The following ARID1A variants were observed in gnomAD, a reference collection of about 807,000 sequenced individuals.
ARID1A encodes AT-rich interaction domain 1A, also known as AT-rich interactive domain-containing protein 1A.
A neutral mutation model predicts 212.6 loss-of-function variants in ARID1A; 20 were observed. That is an observed-to-expected ratio of 0.09 (90% confidence interval 0.07 to 0.14). The LOEUF (loss-of-function observed/expected upper bound fraction) is 0.14, where lower values mean the gene tolerates loss of function less well. ARID1A is among the 10% of genes least tolerant of loss of function. The probability of loss-of-function intolerance (pLI) is 1.00; values close to 1 mark genes in which losing one functional copy is unlikely to be tolerated. For synonymous variants in ARID1A, 1,376 were observed against 1,222.1 expected, an observed-to-expected ratio of 1.13 and a Z score of -2.63; for missense variants, 2,587 against 3,059.0, an observed-to-expected ratio of 0.85 and a Z score of 3.64.
chr1:26,775,750 T>A (rs1390835689), intron 19 of ARID1A, 43 bp downstream of exon 19: 7 of 1,613,462 alleles, frequency 4.3e-6, no homozygotes, highest in African/African-American at 1.3e-5. Flanking sequence ...GTTTGGGATC[T>A]TCTTAGTGTA....
chr1:26,762,071 G>A (rs145072724), intron 6 of ARID1A, 81 bp from the exon 7 acceptor site: 1 of 1,425,366 alleles, frequency 7.0e-7, no homozygotes, highest in Non-Finnish European at 9.4e-7. Flanking sequence ...AATGTAGATG[G>A]TAAAGTCCCA....
Position 26,729,400 on chromosome 1 carries a change from A to G in ARID1A, c.1138-251A>G, listed in dbSNP as rs2080650923. On this transcript the variant is annotated intron_variant, in intron 1 of 19. Transcript: ENST00000324856. ...TCCCTTGGATCTCAAGCAGTACCACAGTTACAAAGTAGTTTTTAGCTTACA... is the reference window on the plus strand; with the variant it reads ...TCCCTTGGATCTCAAGCAGTACCACGGTTACAAAGTAGTTTTTAGCTTACA... The G allele has an allele frequency of 6.0e-6, 3 of 504,182 alleles. No homozygotes were observed. In the South Asian group the frequency reaches 6.4e-5, roughly 11 times the overall value. 31.2% of individuals were successfully genotyped at this position (504,182 alleles called of 1,614,324 possible). A position where few individuals can be genotyped will look rare whatever the true frequency, so the allele number is the denominator to read the frequency against.
In ARID1A at chr1:26,781,695, G is replaced by A. The variant is rs1022699450; in HGVS notation, c.*939G>A. On this transcript the variant is annotated 3_prime_UTR_variant, in exon 20 of 20. Transcript: ENST00000324856. ...CCCAGCTACCCCTTTATAGTATGAC[G>A]AGTTAACAAGTTGGTGACCTGCACA... 6 of 233,602 alleles carry A rather than the reference G, an allele frequency of 2.6e-5. No individual in the cohort carries two copies. In the Admixed American group the frequency reaches 2.8e-4, roughly 11 times the overall value. 14.5% of individuals were successfully genotyped at this position (233,602 alleles called of 1,614,324 possible).
In ARID1A at chr1:26,729,837, A is replaced by T. The variant is rs1350278856; in HGVS notation, c.1324A>T (p.Met442Leu). 2.5e-6 allele frequency: 4 copies of T among 1,614,074 alleles called. No homozygotes were observed. Among genetic ancestry groups the T allele is most frequent in the Non-Finnish European group, 3.4e-6 (4 of 1,180,048 alleles). The change falls in exon 2 of 20, where the codon ATG becomes TTG. Residue 442 changes from methionine to leucine, a missense_variant. Physicochemically the swap from Met to Leu is conservative, Grantham distance 15. Coordinates refer to ENST00000324856, the MANE Select transcript of ARID1A (RefSeq NM_006015.6). ...MTMQGRAQSA[M>L]GGLSYTQQIP... Reference sequence around the variant, plus strand: ...CATGCAGGGCCGGGCGCAGAGTGCCATGGGCGGCCTCTCTTATACACAGCA... The same window carrying T: ...CATGCAGGGCCGGGCGCAGAGTGCCTTGGGCGGCCTCTCTTATACACAGCA...
intron 19 of ARID1A, among the ~76,000 whole-genome samples, chr1:26,776,580 A>T (rs1271463805): frequency 6.6e-6 from 1 of 152,124 alleles, no homozygotes; most frequent in African/African-American, 2.4e-5. Flanking sequence ...GCCCTACAAT[A>T]TTCTTACAAA....
In ARID1A at chr1:26,779,719, T is replaced by G. The variant is rs2124143118; in HGVS notation, c.5821T>G (p.Phe1941Val). Residue 1941 changes from phenylalanine (F) to valine (V), a missense_variant, in exon 20 of 20, where the codon TTT (phenylalanine) becomes GTT (valine). By Grantham distance (50) the Phe-to-Val change is conservative (BLOSUM62 -1). Transcript: ENST00000324856. ...EAIKESSKFPFGISPAQSHRN... is the reference protein window; with the variant it reads ...EAIKESSKFPVGISPAQSHRN... ...CATCAAGGAGAGCAGCAAGTTTCCATTTGGCATTAGCCCAGCACAGAGCCA... is the reference window on the plus strand; with the variant it reads ...CATCAAGGAGAGCAGCAAGTTTCCAGTTGGCATTAGCCCAGCACAGAGCCA... 2 of 1,614,040 alleles carry G rather than the reference T, an allele frequency of 1.2e-6. No homozygotes were observed. Among genetic ancestry groups the G allele is most frequent in the Non-Finnish European group, 1.7e-6 (2 of 1,180,000 alleles).
In ARID1A at chr1:26,772,836, G is replaced by A. The variant is rs2081095925; in HGVS notation, c.3564G>A (p.Gln1188=). ...GMSRSNSVGI[Q]DAFNDGSDST... Reference sequence around the variant, plus strand: ...GCAGGAGCAATTCAGTTGGGATCCAGGATGCCTTTAATGATGGAAGTGACT... The same window carrying A: ...GCAGGAGCAATTCAGTTGGGATCCAAGATGCCTTTAATGATGGAAGTGACT... Residue 1188 remains glutamine (Q), a synonymous_variant, in exon 14 of 20, where the codon CAG becomes CAA. Transcript: ENST00000324856. The A allele has an allele frequency of 6.2e-7, 1 of 1,614,092 alleles. No homozygotes were observed. Among genetic ancestry groups the A allele is most frequent in the Middle Eastern group, 1.7e-4 (1 of 6,056 alleles).
intron 4 of ARID1A, among the ~76,000 whole-genome samples, chr1:26,750,828 C>T (rs1344211665): frequency 6.6e-6 from 1 of 151,834 alleles, no homozygotes; most frequent in Non-Finnish European, 1.5e-5. Flanking sequence ...CATTAAGTAC[C>T]CTACAGAAAA....
At position 26,774,905 on chromosome 1, in the gene ARID1A, C is replaced by T; in HGVS notation, c.4678C>T (p.Pro1560Ser). Residue 1560 changes from proline (P) to serine (S), a missense_variant, in exon 18 of 20, where the codon CCT (proline) becomes TCT (serine). This residue lies in a region of ARID1A where 890 missense variants were observed against 1,098.2 expected (regional missense o/e 0.81). Transcript: ENST00000324856. The surrounding 1 kb of genome is among the most constrained non-coding windows in gnomAD (Gnocchi z 5.6). ...TRQPPYGPSAPVPPMTRPPPS... is the reference protein window; with the variant it reads ...TRQPPYGPSASVPPMTRPPPS... Reference sequence around the variant, plus strand: ...CCAGCCCCCATATGGTCCCTCTGCCCCTGTGCCCCCCATGACAAGGCCCCC... The same window carrying T: ...CCAGCCCCCATATGGTCCCTCTGCCTCTGTGCCCCCCATGACAAGGCCCCC... 1.9e-6 allele frequency: 3 copies of T among 1,559,018 alleles called. No individual in the cohort carries two copies. Among genetic ancestry groups the T allele is most frequent in the Non-Finnish European group, 2.6e-6 (3 of 1,152,642 alleles).
chr1:26,729,636 C>G lies in ARID1A; in HGVS notation c.1138-15C>G, dbSNP rs2124784666. On this transcript the variant is annotated splice_polypyrimidine_tract_variant and intron_variant, in intron 1 of 19. Transcript: ENST00000324856. ...CATCAAAGCTCAGGTTAATGAAATG[C>G]TCTTTATTTTGTAGCCATCCAGTCC... The G allele has an allele frequency of 6.2e-7, 1 of 1,613,386 alleles. No homozygotes were observed. The highest frequency in any genetic ancestry group is 8.5e-7 in the Non-Finnish European group (1 of 1,179,362).
At position 26,779,656 on chromosome 1, in the gene ARID1A, A is replaced by C; in HGVS notation, c.5758A>C (p.Ser1920Arg). ...GGATGACATGTTGTCTACTCGGTCTAGCACCTTGACCGAGGATGGAGCTAA... is the reference window on the plus strand; with the variant it reads ...GGATGACATGTTGTCTACTCGGTCTCGCACCTTGACCGAGGATGGAGCTAA... Reference protein sequence around the residue: ...TMDDMLSTRSSTLTEDGAKSS... With the variant: ...TMDDMLSTRSRTLTEDGAKSS... Residue 1920 changes from serine to arginine, a missense_variant, in exon 20 of 20, where the codon AGC becomes CGC. Coordinates refer to ENST00000324856, the MANE Select transcript of ARID1A (RefSeq NM_006015.6). 1 of 1,614,138 alleles carries C rather than the reference A, an allele frequency of 6.2e-7. No individual in the cohort carries two copies. Among genetic ancestry groups the C allele is most frequent in the Non-Finnish European group, 8.5e-7 (1 of 1,180,028 alleles).
chr1:26,697,982 C>T (rs2080294409), intron 1 of ARID1A, among the ~76,000 whole-genome samples: 1 of 152,152 alleles, frequency 6.6e-6, no homozygotes, highest in African/African-American at 2.4e-5. Flanking sequence ...GGGCCGCCCC[C>T]CATCTGTGCT....
chr1:26,768,641 A>G (rs74825034), intron 11 of ARID1A, among the ~76,000 whole-genome samples: 8,645 of 152,276 alleles, frequency 0.057, 318 homozygotes, highest in Non-Finnish European at 0.08. Flanking sequence ...GTAGTAGGAA[A>G]TTATGTGTTT....
At chr1:26,754,565 T>C (rs1054485525) in intron 4 of ARID1A, among the ~76,000 whole-genome samples, 1 of 152,198 alleles carries the variant, frequency 6.6e-6, no homozygotes, top group Non-Finnish European at 1.5e-5. Context: ...TGATTGTATA[T>C]GTGAGAAAAC....
intron 1 of ARID1A, among the ~76,000 whole-genome samples, chr1:26,708,266 C>CTTT (rs397860721): frequency 0.012 from 292 of 23,750 alleles, 121 homozygotes; most frequent in East Asian, 0.064. Context: ...CAGTCCTTCA[C>CTTT]TTTTTTTTTT....
chr1:26,740,002 AAAG>A (rs2080772921), intron 4 of ARID1A, among the ~76,000 whole-genome samples: 1 of 152,104 alleles, frequency 6.6e-6, no homozygotes, highest in African/African-American at 2.4e-5. Flanking sequence ...AAAAAAAAAA[AAAG>A]AAAAAAAAAA....
rs760741158 is a variant in ARID1A at position 26,756,702 on chromosome 1, G to GT, written c.1921-4143dup. 6.3e-3 allele frequency among the ~76,000 whole-genome samples: 926 copies of GT among 147,270 alleles called. 3 individuals carry two copies. Among genetic ancestry groups the GT allele is most frequent in the Middle Eastern group, 0.025 (7 of 280 alleles). ...TGGCTTCACCTATAATAGCTGAAAT[G>GT]TTTTTTTTTTTCTTTTTTGAGACGG... On this transcript the variant is annotated intron_variant, in intron 4 of 19. Coordinates refer to ENST00000324856, the MANE Select transcript of ARID1A (RefSeq NM_006015.6).
intron 4 of ARID1A, among the ~76,000 whole-genome samples, chr1:26,759,265 C>A (rs1270433511): frequency 6.6e-6 from 1 of 152,120 alleles, no homozygotes; most frequent in African/African-American, 2.4e-5. Context: ...TGCAGTGGTA[C>A]AATCTCGGCT....
chr1:26,766,193 C>G (rs2124078877), intron 8 of ARID1A, 28 bp from the exon 9 acceptor site: 1 of 1,608,122 alleles, frequency 6.2e-7, no homozygotes, highest in African/African-American at 1.3e-5. Flanking sequence ...TAACCTTTGT[C>G]TCTCTCACTT....
Sources: gnomAD v4.1 joint callset for allele counts (sites outside exome capture counted in the v4.1 genomes callset) on GRCh38, gnomAD v4.1.1 for gene constraint, gnomAD v4.1.1 regional missense constraint, Gnocchi (gnomAD v3.1) non-coding constraint, MANE v1.5 for transcripts, NCBI Gene and HGNC (gene_info 2026-07-23, HGNC 2026-07-21) for gene names.